Variants in GRIN2A observed in about 807,000 individuals in gnomAD.
GRIN2A encodes glutamate ionotropic receptor NMDA type subunit 2A, also known as glutamate receptor ionotropic, NMDA 2A.
A neutral mutation model predicts 113.4 loss-of-function variants in GRIN2A; 22 were observed. The observed-to-expected ratio is 0.19, with a 90% CI of 0.14 to 0.28. The LOEUF (loss-of-function observed/expected upper bound fraction) is 0.28, where lower values mean the gene tolerates loss of function less well. Among genes scored for constraint, GRIN2A ranks in the 10% least tolerant of loss-of-function variants. GRIN2A has a pLI of 1.00. For missense variants in GRIN2A, 1,502 were observed against 1,887.0 expected (o/e 0.80, Z 3.78); for synonymous variants, 827 against 738.4 (o/e 1.12, Z -1.94).
At chr16:9,856,481 C>T (rs556699780) in intron 4 of GRIN2A, among the ~76,000 whole-genome samples, 7 of 151,838 alleles carry the variant, frequency 4.6e-5, no homozygotes, top group African/African-American at 1.4e-4. Flanking sequence ...AAAAATTTGC[C>T]GGGCATGGTG....
At chr16:10,041,060 CTG>C (rs1449047953) in intron 2 of GRIN2A, among the ~76,000 whole-genome samples, 1 of 152,246 alleles carries the variant, frequency 6.6e-6, no homozygotes, top group Non-Finnish European at 1.5e-5. Context: ...AGGTGGTGGT[CTG>C]AGTGGGTAGA....
rs1001229546 is a variant in GRIN2A at position 9,754,454 on chromosome 16, G to A, written c.*8695C>T. 1.4e-5 allele frequency: 3 copies of A among 209,870 alleles called. No homozygotes were observed. In the South Asian group the frequency reaches 5.6e-4, roughly 40 times the overall value. 13.0% of individuals were successfully genotyped at this position (209,870 alleles called of 1,614,324 possible). On this transcript the variant is annotated 3_prime_UTR_variant, in exon 13 of 13. Transcript: ENST00000330684. ...TAGGCAATTAGCATCCCTTCCCAGT[G>A]AAAAATTTGGGGAACATGAATGTTA...
intron 2 of GRIN2A, among the ~76,000 whole-genome samples, chr16:10,049,607 G>C (rs1406527049): frequency 6.6e-6 from 1 of 152,132 alleles, no homozygotes; most frequent in African/African-American, 2.4e-5. Context: ...TCGAACTCCT[G>C]ACATCAGGTG....
intron 2 of GRIN2A, among the ~76,000 whole-genome samples, chr16:9,951,783 G>A (rs2045189957): frequency 6.6e-6 from 1 of 152,120 alleles, no homozygotes. Context: ...ATCAAATAAG[G>A]TCCATTTGTG....
intron 2 of GRIN2A, among the ~76,000 whole-genome samples, chr16:10,002,930 TA>T (rs780669586): frequency 1.3e-5 from 2 of 152,192 alleles, no homozygotes; most frequent in Non-Finnish European, 2.9e-5. Context: ...CTGGAAACCA[TA>T]AGGCCTTTTA....
At chr16:9,976,936 T>A (rs1471252578) in intron 2 of GRIN2A, among the ~76,000 whole-genome samples, 2 of 152,192 alleles carry the variant, frequency 1.3e-5, no homozygotes, top group Non-Finnish European at 2.9e-5. Flanking sequence ...TCTGCATGTG[T>A]TCAGTTCACT....
chr16:10,057,988 C>A (rs1222434362), intron 2 of GRIN2A, among the ~76,000 whole-genome samples: 1 of 152,150 alleles, frequency 6.6e-6, no homozygotes, highest in Non-Finnish European at 1.5e-5. Context: ...GGTGTGGTGG[C>A]TCATGCCTGT....
chr16:10,021,165 A>G (rs935469791), intron 2 of GRIN2A, among the ~76,000 whole-genome samples: 2 of 152,154 alleles, frequency 1.3e-5, no homozygotes, highest in Admixed American at 6.5e-5. Context: ...AGGGAAGACC[A>G]CAGCTGGGTC....
intron 2 of GRIN2A, among the ~76,000 whole-genome samples, chr16:9,989,775 A>G (rs187120060): frequency 3.3e-4 from 51 of 152,340 alleles, no homozygotes; most frequent in Non-Finnish European, 5.9e-5. Context: ...GTCAGCAAAC[A>G]TGAAAAAATG....
Position 9,763,047 on chromosome 16 carries a change from T to A in GRIN2A, c.*102A>T. 1 of 1,202,732 alleles carries A rather than the reference T, an allele frequency of 8.3e-7. No homozygotes were observed. The highest frequency in any genetic ancestry group is 1.2e-6 in the Non-Finnish European group (1 of 828,092). The allele number at this position is 1,202,732 out of a possible 1,614,324, so 74.5% of individuals were successfully genotyped here. On this transcript the variant is annotated 3_prime_UTR_variant, in exon 13 of 13. Coordinates refer to ENST00000330684, the MANE Select transcript of GRIN2A (RefSeq NM_001134407.3). The stretch of plus-strand genomic sequence containing the variant: ...CAACAACAAAATACCTCCCTACATC[T>A]TCTTCCTCTTAGCAGGGCACTATTG...
Position 10,122,297 on chromosome 16 carries a change from T to C in GRIN2A, c.414+57701A>G, listed in dbSNP as rs530142966. ...CAAGATCCCCTTTTTTAGCATCAGCTGTCCCCTTTGCAGTTTGTTAAAGCT... is the reference window on the plus strand; with the variant it reads ...CAAGATCCCCTTTTTTAGCATCAGCCGTCCCCTTTGCAGTTTGTTAAAGCT... On this transcript the variant is annotated intron_variant, in intron 2 of 12. Coordinates refer to ENST00000330684, the MANE Select transcript of GRIN2A (RefSeq NM_001134407.3). 1.5e-3 allele frequency among the ~76,000 whole-genome samples: 224 copies of C among 152,346 alleles called. 1 individual carries two copies. Among genetic ancestry groups the C allele is most frequent in the African/African-American group, 5.1e-3 (211 of 41,578 alleles).
intron 11 of GRIN2A, among the ~76,000 whole-genome samples, chr16:9,769,821 G>C (rs890193165): frequency 6.6e-6 from 1 of 152,140 alleles, no homozygotes; most frequent in African/African-American, 2.4e-5. Flanking sequence ...CTGGCCTGTG[G>C]CAATCCTCAA....
chr16:9,829,696 A>C (rs1449502093), intron 8 of GRIN2A, 44 bp from the exon 9 acceptor site: 1 of 1,457,544 alleles, frequency 6.9e-7, no homozygotes, highest in Non-Finnish European at 9.6e-7. Flanking sequence ...TCTGAAAAAA[A>C]TGCCTGTTTG....
At chr16:10,170,581 G>C (rs900394579) in intron 2 of GRIN2A, among the ~76,000 whole-genome samples, 7 of 152,112 alleles carry the variant, frequency 4.6e-5, no homozygotes, top group African/African-American at 1.2e-4. Context: ...TTGTATATCA[G>C]AATATCATTT....
intron 3 of GRIN2A, among the ~76,000 whole-genome samples, chr16:9,896,739 G>A (rs1380804594): frequency 2.6e-5 from 4 of 152,072 alleles, no homozygotes; most frequent in Admixed American, 2.6e-4. Context: ...TATGAAGTTG[G>A]CAGGGAGCAA....
Position 9,890,989 on chromosome 16 carries a change from T to C in GRIN2A, c.1119A>G (p.Glu373=), listed in dbSNP as rs368406915. The C allele has an allele frequency of 5.4e-5, 86 of 1,595,224 alleles. No homozygotes were observed. The highest frequency in any genetic ancestry group is 7.3e-5 in the Non-Finnish European group (85 of 1,162,922). The change falls in exon 4 of 13, where the codon GAA becomes GAG. Residue 373 remains glutamate, a synonymous_variant. Coordinates refer to ENST00000330684, the MANE Select transcript of GRIN2A (RefSeq NM_001134407.3). Reference sequence around the variant, plus strand: ...CAGCACACAGAAGGATGCTCACCTTTTCCCATTCCCGGTCTTTGTTCAGCA... The same window carrying C: ...CAGCACACAGAAGGATGCTCACCTTCTCCCATTCCCGGTCTTTGTTCAGCA... ...VIVLNKDREW[E]KVGKWENHTL...
At chr16:9,934,586 C>T (rs150791699) in intron 3 of GRIN2A, among the ~76,000 whole-genome samples, 83 of 128,918 alleles carry the variant, frequency 6.4e-4, no homozygotes, top group African/African-American at 1.8e-3. Context: ...GAGGGTGGGG[C>T]GGGAGAATTG....
Position 9,937,955 on chromosome 16 carries a change from T to A in GRIN2A, c.1007+4A>T. On this transcript the variant is annotated splice_donor_region_variant and intron_variant, in intron 3 of 12. Transcript: ENST00000330684. ...ACTTTGGGAGACAACAAGCCCTTTC[T>A]TACGGGTGCAAGGTGTGCATCGGGA... 1 of 1,608,456 alleles carries A rather than the reference T, an allele frequency of 6.2e-7. No homozygotes were observed. The highest frequency in any genetic ancestry group is 1.1e-5 in the South Asian group (1 of 90,896).
chr16:9,883,512 G>A (rs1358826648), intron 4 of GRIN2A, among the ~76,000 whole-genome samples: 3 of 152,246 alleles, frequency 2.0e-5, no homozygotes, highest in African/African-American at 4.8e-5. Flanking sequence ...AGAATCAATG[G>A]AAAGGGTGTC....
Sources: gnomAD v4.1 joint callset for allele counts (sites outside exome capture counted in the v4.1 genomes callset) on GRCh38, gnomAD v4.1.1 for gene constraint, MANE v1.5 for transcripts, NCBI Gene and HGNC (gene_info 2026-07-23, HGNC 2026-07-21) for gene names.